Variants in RAB6A observed in about 807,000 individuals in gnomAD.
The protein encoded by RAB6A is ras-related protein Rab-6A.
RAB6A carries 8 observed loss-of-function variants against 32.3 expected under a neutral mutation model. The observed-to-expected ratio is 0.25, with a 90% CI of 0.15 to 0.45. RAB6A has a LOEUF of 0.45. Among genes scored for constraint, RAB6A ranks in the 20% least tolerant of loss-of-function variants. RAB6A has a pLI of 1.00. For missense variants in RAB6A, 104 were observed against 249.4 expected (o/e 0.42, Z 3.93); for synonymous variants, 73 against 82.1 (o/e 0.89, Z 0.60).
At chr11:73,706,237 C>T (rs1231344407) in intron 6 of RAB6A, among the ~76,000 whole-genome samples, 3 of 151,994 alleles carry the variant, frequency 2.0e-5, no homozygotes, top group South Asian at 2.1e-4. Context: ...TGGTCTAGGC[C>T]GGGCGTGGTG....
chr11:73,760,524 C>G, intron 1 of RAB6A, 42 bp downstream of exon 1: 2 of 1,563,786 alleles, frequency 1.3e-6, no homozygotes, highest in South Asian at 2.3e-5. Context: ...GGTGCGGGGA[C>G]GCTGCGGCCA....
intron 2 of RAB6A, chr11:73,730,429 T>G (rs1946285701): frequency 5.3e-6 from 1 of 188,370 alleles, no homozygotes; most frequent in Non-Finnish European, 1.1e-5. Context: ...ATTTCATTAT[T>G]CATTTATTCT....
intron 6 of RAB6A, among the ~76,000 whole-genome samples, chr11:73,686,372 G>A (rs1353478038): frequency 6.6e-6 from 1 of 152,092 alleles, no homozygotes; most frequent in Non-Finnish European, 1.5e-5. Flanking sequence ...TGGCCAACAT[G>A]GTGAAACTCC....
At chr11:73,726,523 AGT>A (rs1946223910) in intron 2 of RAB6A, among the ~76,000 whole-genome samples, 1 of 134,490 alleles carries the variant, frequency 7.4e-6, no homozygotes, top group Non-Finnish European at 1.6e-5. Flanking sequence ...CGGAGCTTGC[AGT>A]GAGCCGAGAT....
intron 5 of RAB6A, among the ~76,000 whole-genome samples, chr11:73,711,193 T>C (rs897013351): frequency 6.6e-6 from 1 of 152,164 alleles, no homozygotes; most frequent in Admixed American, 6.5e-5. Flanking sequence ...CCTCTACCTC[T>C]ACCATGCTCT....
intron 6 of RAB6A, among the ~76,000 whole-genome samples, chr11:73,695,411 G>A (rs1042445693): frequency 2.7e-5 from 4 of 149,532 alleles, no homozygotes; most frequent in South Asian, 2.1e-4. Context: ...ACGGAGTCTC[G>A]CTCTGTCACC....
rs75592588 is a variant in RAB6A at position 73,740,147 on chromosome 11, T to A, written c.71-9324A>T. ...TTCTGACCTGCTTCATAATTCTTGGTCAATAACATTGGCCAGATAGTATTG... is the reference window on the plus strand; with the variant it reads ...TTCTGACCTGCTTCATAATTCTTGGACAATAACATTGGCCAGATAGTATTG... On this transcript the variant is annotated intron_variant, in intron 1 of 7. Transcript: ENST00000336083. Among the ~76,000 whole-genome samples the A allele has an allele frequency of 4.4e-3, 666 of 152,266 alleles. 1 individual carries two copies. Among genetic ancestry groups the A allele is most frequent in the African/African-American group, 0.015 (627 of 41,552 alleles).
intron 1 of RAB6A, among the ~76,000 whole-genome samples, chr11:73,731,713 TATATATATATATATATATAC>T (rs1392704095): frequency 0.018 from 336 of 18,354 alleles, 8 homozygotes; most frequent in East Asian, 0.088. Context: ...TATATATATA[TATATATATATATATATATAC>T]ACACACACAC....
chr11:73,742,479 G>T (rs1049064199), intron 1 of RAB6A, among the ~76,000 whole-genome samples: 16 of 151,912 alleles, frequency 1.1e-4, no homozygotes, highest in Non-Finnish European at 2.1e-4. Context: ...AGATAAGAAA[G>T]ATACATAATG....
chr11:73,730,000 C>T (rs188327544), intron 2 of RAB6A: 24 of 152,578 alleles, frequency 1.6e-4, no homozygotes, highest in Admixed American at 1.4e-3. Flanking sequence ...TGACCCAGTG[C>T]TTCCCCATGT....
At chr11:73,727,887 C>T (rs1055978746) in intron 2 of RAB6A, among the ~76,000 whole-genome samples, 1 of 152,036 alleles carries the variant, frequency 6.6e-6, no homozygotes, top group African/African-American at 2.4e-5. Context: ...TTTCTTTAAT[C>T]TATAGAATGA....
rs773402440 is a variant in RAB6A at position 73,730,721 on chromosome 11, G to A, written c.129+44C>T. On this transcript the variant is annotated intron_variant, in intron 2 of 7. Coordinates refer to ENST00000336083, the MANE Select transcript of RAB6A (RefSeq NM_198896.2). ...TTTAAAAATATCTTGAATATTACTT[G>A]TAACAAAAAATAGACAACAAATAAA... 6.9e-6 allele frequency: 10 copies of A among 1,458,994 alleles called. No individual in the cohort carries two copies. The South Asian group carries it at 9.6e-5, about 14-fold the overall frequency. 90.4% of individuals were successfully genotyped at this position (1,458,994 alleles called of 1,614,324 possible).
In RAB6A at chr11:73,744,329, C is replaced by T. The variant is rs1479657106; in HGVS notation, c.71-13506G>A. Among the ~76,000 whole-genome samples, 18 of 124,416 alleles carry T rather than the reference C, an allele frequency of 1.4e-4. No homozygotes were observed. The South Asian group carries it at 4.3e-3, about 30-fold the overall frequency. The allele number at this position is 124,416 out of a possible 152,430, so 81.6% of individuals were successfully genotyped here. A position where few individuals can be genotyped will look rare whatever the true frequency, so the allele number is the denominator to read the frequency against. On this transcript the variant is annotated intron_variant, in intron 1 of 7. Coordinates refer to ENST00000336083, the MANE Select transcript of RAB6A (RefSeq NM_198896.2). The stretch of plus-strand genomic sequence containing the variant: ...CTCCAGCCTGGGTGACAAAGGGAGA[C>T]TCCATCTCAAAAAAAAAAAAAAAAA...
At chr11:73,722,876 G>A (rs918082914) in intron 2 of RAB6A, among the ~76,000 whole-genome samples, 9 of 151,918 alleles carry the variant, frequency 5.9e-5, no homozygotes, top group East Asian at 1.9e-4. Context: ...GCGTGATCTC[G>A]GCTCACCGCA....
intron 6 of RAB6A, among the ~76,000 whole-genome samples, chr11:73,706,083 A>T (rs1334913047): frequency 6.6e-6 from 1 of 152,250 alleles, no homozygotes; most frequent in East Asian, 1.9e-4. Context: ...TGATCATTCA[A>T]TATTACTTAC....
chr11:73,687,219 G>A (rs1472557006), intron 6 of RAB6A, among the ~76,000 whole-genome samples: 1 of 152,108 alleles, frequency 6.6e-6, no homozygotes, highest in African/African-American at 2.4e-5. Context: ...GTCAATGGCT[G>A]GGGGAAGGGG....
chr11:73,698,849 A>ATTTTTTTTTTTTTTTTTTTTTTTTTTTT (rs555410867), intron 6 of RAB6A, among the ~76,000 whole-genome samples: 1 of 118,276 alleles, frequency 8.5e-6, no homozygotes. Context: ...TTTTTTTGCG[A>ATTTTTTTTTTTTTTTTTTTTTTTTTTTT]TTTTTTTTTT....
intron 4 of RAB6A, among the ~76,000 whole-genome samples, chr11:73,717,824 T>A (rs575989212): frequency 2.0e-5 from 3 of 152,318 alleles, no homozygotes; most frequent in African/African-American, 7.2e-5. Context: ...CTATAAGTTA[T>A]GAACCACTAC....
At position 73,715,356 on chromosome 11, in the gene RAB6A, C is replaced by T. The variant is rs533907298; in HGVS notation, c.401+895G>A. Among the ~76,000 whole-genome samples, 130 of 152,258 alleles carry T rather than the reference C, an allele frequency of 8.5e-4. 1 individual carries two copies. Among genetic ancestry groups the T allele is most frequent in the Middle Eastern group, 3.4e-3 (1 of 292 alleles). ...GGCCAGGCTGGTCTTGAACTCCTGA[C>T]CTCGTGTTCCACCGTCCTTGGCCTC... On this transcript the variant is annotated intron_variant, in intron 5 of 7. Coordinates refer to ENST00000336083, the MANE Select transcript of RAB6A (RefSeq NM_198896.2).
Sources: allele counts gnomAD v4.1 joint callset (sites outside exome capture counted in the v4.1 genomes callset), GRCh38; gene constraint gnomAD v4.1.1; transcripts MANE v1.5; gene names NCBI Gene and HGNC (gene_info 2026-07-23, HGNC 2026-07-21).